Variants in DYNC2H1 observed in about 807,000 individuals in gnomAD.
DYNC2H1 encodes the protein cytoplasmic dynein 2 heavy chain 1.
Under a neutral mutation model 570.0 loss-of-function variants are expected in DYNC2H1, and 410 were observed. The ratio of observed to expected loss-of-function variants is 0.72; its 90% CI spans 0.66 to 0.78. DYNC2H1 has a LOEUF of 0.78. Ranked by LOEUF, DYNC2H1 falls within the 30% of genes least tolerant of loss-of-function variation. The pLI is 0.00. For missense variants in DYNC2H1, 4,865 were observed against 5,046.4 expected (o/e 0.96, Z 1.09); for synonymous variants, 1,688 against 1,677.6 (o/e 1.01, Z -0.15).
intron 82 of DYNC2H1, among the ~76,000 whole-genome samples, chr11:103,335,087 G>A (rs1404624648): frequency 1.3e-5 from 2 of 151,998 alleles, no homozygotes; most frequent in Non-Finnish European, 2.9e-5. Flanking sequence ...ATGACTTCAA[G>A]AGGTATTTTT....
In DYNC2H1 at chr11:103,369,967, A is replaced by G. The variant is rs1655297142; in HGVS notation, c.12156+11608A>G. Among the ~76,000 whole-genome samples the G allele has an allele frequency of 6.6e-6, 1 of 152,220 alleles. No individual in the cohort carries two copies. The highest frequency in any genetic ancestry group is 2.4e-5 in the African/African-American group (1 of 41,458). On this transcript the variant is annotated intron_variant, in intron 83 of 88. Coordinates refer to ENST00000375735, the MANE Select transcript of DYNC2H1 (RefSeq NM_001377.3). The surrounding 1 kb of genome is among the most constrained non-coding windows in gnomAD (Gnocchi z 4.0). ...AAATGCAAAGGGGACATTGTCTTGC[A>G]CATTAGGTAGAAGCTTGGCTACAGA...
intron 39 of DYNC2H1, among the ~76,000 whole-genome samples, chr11:103,180,882 T>TAA (rs1861826175): frequency 6.6e-6 from 1 of 151,606 alleles, no homozygotes; most frequent in Non-Finnish European, 1.5e-5. Flanking sequence ...TTTTTCATAT[T>TAA]AGACTGGATA....
rs1220588419 is a variant in DYNC2H1 at position 103,154,758 on chromosome 11, A to T, written c.3522A>T (p.Glu1174Asp). 22 of 1,568,686 alleles carry T rather than the reference A, an allele frequency of 1.4e-5. No homozygotes were observed. Among genetic ancestry groups the T allele is most frequent in the Non-Finnish European group, 1.9e-5 (22 of 1,156,186 alleles). ...GGCATGACAGATTAAGGAAGGTTGA[A>T]GAACATTCAGTGATGACAGTGAAAT... ...MNWHDRLRKV[E>D]EHSVMTVKLQ... Residue 1174 changes from glutamate to aspartate, a missense_variant, in exon 24 of 89, where the codon GAA (glutamate) becomes GAT (aspartate). Glu to Asp is a conservative substitution (Grantham distance 45). Transcript: ENST00000375735.
rs535927341 is a variant in DYNC2H1 at position 103,239,977 on chromosome 11, C to A, written c.9819+3438C>A. Among the ~76,000 whole-genome samples, 7 of 151,932 alleles carry A rather than the reference C, an allele frequency of 4.6e-5. No homozygotes were observed. The East Asian group carries it at 1.4e-3, about 29-fold the overall frequency. On this transcript the variant is annotated intron_variant, in intron 63 of 88. Coordinates refer to ENST00000375735, the MANE Select transcript of DYNC2H1 (RefSeq NM_001377.3). This position sits in a 1 kb window ranked among gnomAD's most constrained non-coding sequence, Gnocchi z 4.3. ...CTAACTACCTGTTAGATATTTTTACCCATTCTTTCTAGGCAGCTCAAAATT... is the reference window on the plus strand; with the variant it reads ...CTAACTACCTGTTAGATATTTTTACACATTCTTTCTAGGCAGCTCAAAATT...
Position 103,245,395 on chromosome 11 carries a change from A to G in DYNC2H1, c.10042+21A>G, listed in dbSNP as rs369436857. On this transcript the variant is annotated intron_variant, in intron 65 of 88. Coordinates refer to ENST00000375735, the MANE Select transcript of DYNC2H1 (RefSeq NM_001377.3). The surrounding 1 kb of genome is among the most constrained non-coding windows in gnomAD (Gnocchi z 4.5). ...TCAAGGTAAATAATTGACACTTTCC[A>G]GAGTGTAAATATTTTTAAAATTTCC... The G allele has an allele frequency of 1.9e-6, 3 of 1,555,804 alleles. No homozygotes were observed. Among genetic ancestry groups the G allele is most frequent in the South Asian group, 1.2e-5 (1 of 80,732 alleles).
chr11:103,410,671 A>G (rs1021721925), intron 84 of DYNC2H1, among the ~76,000 whole-genome samples: 2 of 152,180 alleles, frequency 1.3e-5, no homozygotes, highest in African/African-American at 4.8e-5. Context: ...TCTTCAGGAT[A>G]TTAAAGCCAC....
chr11:103,279,576 A>G (rs1022255377), intron 70 of DYNC2H1, among the ~76,000 whole-genome samples: 8 of 151,216 alleles, frequency 5.3e-5, no homozygotes, highest in Non-Finnish European at 1.0e-4. Flanking sequence ...TCCTTCCTTT[A>G]CTGAGAAATT....
At chr11:103,270,205 A>AT in intron 70 of DYNC2H1, among the ~76,000 whole-genome samples, 1 of 150,564 alleles carries the variant, frequency 6.6e-6, no homozygotes, top group South Asian at 2.1e-4. Context: ...AAAAAAAAAA[A>AT]AAAATAATAA....
chr11:103,196,831 C>T (rs921671584), intron 47 of DYNC2H1, among the ~76,000 whole-genome samples: 9 of 151,954 alleles, frequency 5.9e-5, no homozygotes, highest in African/African-American at 2.2e-4. Context: ...TATTATTGTT[C>T]CCAAATAAGT....
Position 103,147,804 on chromosome 11 carries a change from G to A in DYNC2H1, c.2735G>A (p.Cys912Tyr). The change falls in exon 19 of 89, where the codon TGC (cysteine) becomes TAC (tyrosine). Residue 912 changes from cysteine to tyrosine, a missense_variant. Coordinates refer to ENST00000375735, the MANE Select transcript of DYNC2H1 (RefSeq NM_001377.3). ...AAGGTAGATTGTTTAAATATTAATT[G>A]CAACCCTGTGAAGACTGTGATTGAT... The part of the protein sequence containing the change: ...AVKVDCLNIN[C>Y]NPVKTVIDDL... 6.2e-7 allele frequency: 1 copy of A among 1,609,348 alleles called. No homozygotes were observed. Among genetic ancestry groups the A allele is most frequent in the Non-Finnish European group, 8.5e-7 (1 of 1,178,506 alleles).
At chr11:103,441,278 C>T (rs1944259381) in intron 85 of DYNC2H1, among the ~76,000 whole-genome samples, 1 of 151,982 alleles carries the variant, frequency 6.6e-6, no homozygotes, top group South Asian at 2.1e-4. Context: ...GCTTCCTTAC[C>T]TCCTTCAGGT....
intron 63 of DYNC2H1, among the ~76,000 whole-genome samples, chr11:103,236,776 CT>C (rs1864240360): frequency 6.6e-6 from 1 of 151,816 alleles, no homozygotes; most frequent in South Asian, 2.1e-4. Flanking sequence ...GCAAAATATT[CT>C]AAATTGTATT....
At position 103,252,713 on chromosome 11, in the gene DYNC2H1, T is replaced by C. The variant is rs548735748; in HGVS notation, c.10043-572T>C. ...GGTTATTTATCTTTCTGCTATTGAA[T>C]TGTATGAGTTTTTTCTTTATACATT... On this transcript the variant is annotated intron_variant, in intron 65 of 88. Coordinates refer to ENST00000375735, the MANE Select transcript of DYNC2H1 (RefSeq NM_001377.3). This position sits in a 1 kb window ranked among gnomAD's most constrained non-coding sequence, Gnocchi z 4.6. 4.6e-5 allele frequency among the ~76,000 whole-genome samples: 7 copies of C among 152,300 alleles called. 1 individual carries two copies. The South Asian group carries it at 1.5e-3, about 32-fold the overall frequency.
intron 85 of DYNC2H1, among the ~76,000 whole-genome samples, chr11:103,449,289 T>C (rs933689374): frequency 1.1e-4 from 16 of 152,194 alleles, no homozygotes; most frequent in African/African-American, 3.6e-4. Context: ...GCAGGCGTTG[T>C]CTGCTATCAA....
chr11:103,365,362 A>C (rs1940856834), intron 83 of DYNC2H1, among the ~76,000 whole-genome samples: 1 of 97,408 alleles, frequency 1.0e-5, no homozygotes, highest in South Asian at 3.1e-4. Context: ...ATTCCGGCTC[A>C]GGAAAAAAAA....
intron 84 of DYNC2H1, among the ~76,000 whole-genome samples, chr11:103,429,428 T>C (rs991072128): frequency 6.7e-6 from 1 of 149,444 alleles, no homozygotes; most frequent in East Asian, 2.0e-4. Flanking sequence ...AGTTTGCTCA[T>C]GTACCATTTT....
chr11:103,219,912 T>C lies in DYNC2H1; in HGVS notation c.8833-3T>C, dbSNP rs551227065. 99 of 1,495,656 alleles carry C rather than the reference T, an allele frequency of 6.6e-5. No individual in the cohort carries two copies. In the East Asian group the frequency reaches 2.3e-3, roughly 35 times the overall value. 92.6% of individuals were successfully genotyped at this position (1,495,656 alleles called of 1,614,324 possible). ...TTGGAATGCCACTTAAATATTCTTA[T>C]AGGATGCTAGTGAGCAAAAAACAGA... On this transcript the variant is annotated splice_polypyrimidine_tract_variant and splice_region_variant and intron_variant, in intron 55 of 88. Coordinates refer to ENST00000375735, the MANE Select transcript of DYNC2H1 (RefSeq NM_001377.3).
chr11:103,177,551 A>T lies in DYNC2H1; in HGVS notation c.5875-5A>T. 1 of 1,598,930 alleles carries T rather than the reference A, an allele frequency of 6.3e-7. No individual in the cohort carries two copies. On this transcript the variant is annotated splice_polypyrimidine_tract_variant and splice_region_variant and intron_variant, in intron 37 of 88. Transcript: ENST00000375735. The surrounding 1 kb of genome is among the most constrained non-coding windows in gnomAD (Gnocchi z 4.4). ...TCATATATGAACATATTTCTTTCCT[A>T]CTAGATCAAAAAGGCTTTAGAATTG...
At chr11:103,131,704 T>A (rs1034338591) in intron 13 of DYNC2H1, among the ~76,000 whole-genome samples, 1 of 152,202 alleles carries the variant, frequency 6.6e-6, no homozygotes, top group Non-Finnish European at 1.5e-5. Context: ...TAAATAGATA[T>A]GAAATGCATA....
Sources: gnomAD v4.1 joint callset for allele counts (sites outside exome capture counted in the v4.1 genomes callset) on GRCh38, gnomAD v4.1.1 for gene constraint, Gnocchi (gnomAD v3.1) non-coding constraint, MANE v1.5 for transcripts, NCBI Gene and HGNC (gene_info 2026-07-23, HGNC 2026-07-21) for gene names.